The following RXFP1 variants were observed in gnomAD, a reference collection of about 807,000 sequenced individuals.
RXFP1 encodes relaxin family peptide receptor 1, also known as relaxin receptor 1.
In RXFP1, 73 loss-of-function variants were observed where a neutral mutation model predicts 89.8. That is an observed-to-expected ratio of 0.81 (90% CI 0.67 to 0.99). The LOEUF is 0.99. Among genes scored for constraint, RXFP1 ranks in the 50% least tolerant of loss-of-function variants. The pLI is 0.00. For synonymous variants in RXFP1, 277 were observed against 305.5 expected (o/e 0.91, Z 0.97); for missense variants, 793 against 895.5 (o/e 0.89, Z 1.46).
At position 158,594,518 on chromosome 4, in the gene RXFP1, A is replaced by T. The variant is rs28612198; in HGVS notation, c.286+1019A>T. Among the ~76,000 whole-genome samples the T allele has an allele frequency of 6.9e-3, 1,042 of 151,360 alleles. 14 individuals are homozygous for T. Among genetic ancestry groups the T allele is most frequent in the African/African-American group, 0.024 (1,003 of 41,172 alleles). On this transcript the variant is annotated intron_variant, in intron 3 of 17. Coordinates refer to ENST00000307765, the MANE Select transcript of RXFP1 (RefSeq NM_021634.4). ...TTGTTTGACTTTTTTTTTTTTGCTG[A>T]TCTTCTAGTGCCTAAAATAAATAGT...
intron 1 of RXFP1, among the ~76,000 whole-genome samples, chr4:158,572,252 C>A (rs1192576193): frequency 6.6e-6 from 1 of 152,224 alleles, no homozygotes; most frequent in Non-Finnish European, 1.5e-5. Flanking sequence ...TGTACTTAAT[C>A]ATCTCAGGGT....
chr4:158,539,248 AC>A (rs2149820976), intron 1 of RXFP1, among the ~76,000 whole-genome samples: 1 of 152,136 alleles, frequency 6.6e-6, no homozygotes, highest in Admixed American at 6.5e-5. Context: ...ACCAAACACC[AC>A]GTGTTCTCAC....
intron 9 of RXFP1, among the ~76,000 whole-genome samples, chr4:158,625,338 A>G (rs952622769): frequency 6.6e-6 from 1 of 152,004 alleles, no homozygotes; most frequent in African/African-American, 2.4e-5. Flanking sequence ...ACAAAACTAT[A>G]GAGATATGAT....
rs965734566 is a variant in RXFP1, at chr4:158,651,950, G to A, written c.2169G>A (p.Trp723Ter). 6.2e-7 allele frequency: 1 copy of A among 1,614,026 alleles called. No homozygotes were observed. Among genetic ancestry groups the A allele is most frequent in the African/African-American group, 1.3e-5 (1 of 74,906 alleles). The stretch of plus-strand genomic sequence containing the variant: ...CATCATTCATCTGGGTGGAAATGTG[G>A]CCACTGCAGGAGATGCCACCTGAGT... ...YAPSFIWVEMWPLQEMPPELM... is the reference protein window; with the variant it reads ...YAPSFIWVEM The change falls in exon 18 of 18, where the codon TGG (tryptophan) becomes TGA (stop). Residue 723 changes from tryptophan to a stop codon, truncating the protein, a stop_gained. Transcript: ENST00000307765. LOFTEE classifies it high-confidence loss of function.
At chr4:158,622,156 C>T (rs961041998) in intron 9 of RXFP1, among the ~76,000 whole-genome samples, 1 of 151,860 alleles carries the variant, frequency 6.6e-6, no homozygotes, top group Non-Finnish European at 1.5e-5. Context: ...ACTAAAAATA[C>T]GAAAATTAGC....
chr4:158,618,547 CTGA>C (rs1252490408), intron 9 of RXFP1, among the ~76,000 whole-genome samples: 2 of 151,752 alleles, frequency 1.3e-5, no homozygotes, highest in African/African-American at 4.8e-5. Context: ...GAATATTATC[CTGA>C]TTTTAATTCT....
At position 158,651,798 on chromosome 4, in the gene RXFP1, A is replaced by G; in HGVS notation, c.2017A>G (p.Asn673Asp). Residue 673 changes from asparagine to aspartate, a missense_variant, in exon 18 of 18, where the codon AAC becomes GAC. Coordinates refer to ENST00000307765, the MANE Select transcript of RXFP1 (RefSeq NM_021634.4). The part of the protein sequence containing the change: ...SWVVIFILPI[N>D]SALNPILYTL... ...GGTAGTGATTTTTATTCTGCCCATT[A>G]ACAGTGCTTTGAACCCAATTCTCTA... 4 of 1,613,912 alleles carry G rather than the reference A, an allele frequency of 2.5e-6. No individual in the cohort carries two copies. Among genetic ancestry groups the G allele is most frequent in the Non-Finnish European group, 3.4e-6 (4 of 1,179,898 alleles).
At chr4:158,548,095 G>A (rs907932402) in intron 1 of RXFP1, among the ~76,000 whole-genome samples, 1 of 152,160 alleles carries the variant, frequency 6.6e-6, no homozygotes, top group Non-Finnish European at 1.5e-5. Flanking sequence ...AAGTCTCTTT[G>A]TAGGTCACTA....
intron 1 of RXFP1, among the ~76,000 whole-genome samples, chr4:158,557,965 A>G (rs1015798348): frequency 6.6e-6 from 1 of 152,194 alleles, no homozygotes; most frequent in Non-Finnish European, 1.5e-5. Context: ...GTGCATAGAT[A>G]TATTCAGATA....
chr4:158,648,438 G>A (rs957592350), intron 16 of RXFP1, 61 bp from the exon 17 acceptor site: 3 of 1,002,058 alleles, frequency 3.0e-6, no homozygotes, highest in Non-Finnish European at 4.4e-6. Context: ...TTTTATTTAT[G>A]TTTGTTCATT....
intron 9 of RXFP1, among the ~76,000 whole-genome samples, chr4:158,618,671 G>T (rs1296478692): frequency 6.6e-6 from 1 of 152,014 alleles, no homozygotes; most frequent in Non-Finnish European, 1.5e-5. Context: ...AAATCTGACA[G>T]ATTTCTTGGC....
In RXFP1 at chr4:158,648,348, T is replaced by A; in HGVS notation, c.1757-151T>A. On this transcript the variant is annotated intron_variant, in intron 16 of 17. Coordinates refer to ENST00000307765, the MANE Select transcript of RXFP1 (RefSeq NM_021634.4). ...CATGATTTTTGTGGACTTTAGTAAT[T>A]CTTTGTGAAGAAAAAACCCACACAT... 9 of 499,074 alleles carry A rather than the reference T, an allele frequency of 1.8e-5. 1 individual carries two copies. The South Asian group carries it at 5.9e-4, about 33-fold the overall frequency. 30.9% of individuals were successfully genotyped at this position (499,074 alleles called of 1,614,324 possible).
At chr4:158,542,176 G>A (rs1175943164) in intron 1 of RXFP1, among the ~76,000 whole-genome samples, 1 of 145,960 alleles carries the variant, frequency 6.9e-6, no homozygotes, top group Non-Finnish European at 1.5e-5. Flanking sequence ...CTGACCTCGT[G>A]ATTTGCCTGC....
chr4:158,531,390 CCT>C (rs1158608601), intron 1 of RXFP1, among the ~76,000 whole-genome samples: 3 of 152,170 alleles, frequency 2.0e-5, no homozygotes, highest in Non-Finnish European at 2.9e-5. Context: ...ACTCTCTGCC[CCT>C]CTGTTTCCTC....
intron 15 of RXFP1, chr4:158,646,156 A>C (rs1476666261): frequency 3.5e-6 from 1 of 282,558 alleles, no homozygotes; most frequent in Non-Finnish European, 7.0e-6. Context: ...GGGATCGGAG[A>C]CCCTAAAAAG....
intron 14 of RXFP1, among the ~76,000 whole-genome samples, chr4:158,644,190 G>A (rs922623176): frequency 1.3e-5 from 2 of 151,806 alleles, no homozygotes; most frequent in Non-Finnish European, 2.9e-5. Context: ...GGGACTACAG[G>A]AGCCCGCCAC....
At chr4:158,542,103 A>AT (rs1421636915) in intron 1 of RXFP1, among the ~76,000 whole-genome samples, 30 of 41,606 alleles carry the variant, frequency 7.2e-4, no homozygotes, top group South Asian at 2.7e-3. Flanking sequence ...ATATATATAT[A>AT]TATATATTTT....
At chr4:158,615,257 C>G (rs936478671) in intron 8 of RXFP1, among the ~76,000 whole-genome samples, 1 of 152,138 alleles carries the variant, frequency 6.6e-6, no homozygotes, top group Admixed American at 6.5e-5. Flanking sequence ...GCTGTCTTGG[C>G]TGGGTGGGGT....
chr4:158,609,872 G>A (rs976602766), intron 6 of RXFP1, among the ~76,000 whole-genome samples: 1 of 152,166 alleles, frequency 6.6e-6, no homozygotes, highest in Non-Finnish European at 1.5e-5. Flanking sequence ...CAGTGAATGT[G>A]GAGGAAGCTC....
Sources: gnomAD v4.1 joint callset for allele counts (sites outside exome capture counted in the v4.1 genomes callset) on GRCh38, gnomAD v4.1.1 for gene constraint, MANE v1.5 for transcripts, NCBI Gene and HGNC (gene_info 2026-07-23, HGNC 2026-07-21) for gene names.